The following OPTN variants were observed in gnomAD, a reference collection of about 807,000 sequenced individuals.
The protein encoded by OPTN is optineurin.
OPTN carries 54 observed loss-of-function variants against 70.4 expected under a neutral mutation model. That is an observed-to-expected ratio of 0.77 (90% CI 0.62 to 0.96). The LOEUF is 0.96. Among genes scored for constraint, OPTN ranks in the 40% least tolerant of loss-of-function variants. The pLI, the probability that OPTN is intolerant of heterozygous loss-of-function variation, is 0.00. For missense variants in OPTN, 624 were observed against 673.2 expected (o/e 0.93, Z 0.81); for synonymous variants, 256 against 248.5 (o/e 1.03, Z -0.28).
intron 13 of OPTN, 108 bp downstream of exon 13, chr10:13,132,305 G>A (rs575383046): frequency 1.5e-5 from 18 of 1,195,910 alleles, no homozygotes; most frequent in Non-Finnish European, 2.0e-5. Context: ...CTGTGTTCGC[G>A]CCACTGCACT....
rs79913169 is a variant in OPTN, at chr10:13,104,079, G to A, written c.-164+3777G>A. On this transcript the variant is annotated intron_variant, in intron 1 of 14. Transcript: ENST00000378747. ...TATCTCTGTCTTTCCTCAGTTGAAT[G>A]TAGCTCAAGGTGATGTTAAAAACAG... Among the ~76,000 whole-genome samples, 86 of 152,214 alleles carry A rather than the reference G, an allele frequency of 5.6e-4. 2 individuals carry two copies. In the South Asian group the frequency reaches 9.6e-3, roughly 17 times the overall value.
At chr10:13,115,494 A>ATATAATATAGAATATATATAATATATTC (rs1833175762) in intron 5 of OPTN, among the ~76,000 whole-genome samples, 2 of 98,804 alleles carry the variant, frequency 2.0e-5, no homozygotes, top group African/African-American at 1.1e-4. Flanking sequence ...ATTCTATATT[A>ATATAATATAGAATATATATAATATATTC]TATAATATAG....
chr10:13,127,460 A>G (rs1833491421), intron 11 of OPTN, among the ~76,000 whole-genome samples: 1 of 152,080 alleles, frequency 6.6e-6, no homozygotes, highest in Non-Finnish European at 1.5e-5. Context: ...TTAGGAATTC[A>G]TTATTTGCAA....
chr10:13,136,439 C>T (rs778185855), intron 14 of OPTN, among the ~76,000 whole-genome samples: 6 of 120,656 alleles, frequency 5.0e-5, no homozygotes, highest in African/African-American at 1.6e-4. Flanking sequence ...ACCTGGGAGG[C>T]GGAGGTTGCA....
intron 4 of OPTN, among the ~76,000 whole-genome samples, 176 bp from the exon 5 acceptor site, chr10:13,112,277 A>G (rs948006145): frequency 3.4e-5 from 5 of 148,514 alleles, no homozygotes; most frequent in African/African-American, 1.2e-4. Flanking sequence ...CTGGCTAATT[A>G]TTAAATTTTT....
At chr10:13,105,671 G>A (rs1473598441) in intron 1 of OPTN, among the ~76,000 whole-genome samples, 1 of 152,156 alleles carries the variant, frequency 6.6e-6, no homozygotes, top group African/African-American at 2.4e-5. Flanking sequence ...CACTTTGGGA[G>A]GCTGAGATGG....
intron 12 of OPTN, among the ~76,000 whole-genome samples, 197 bp from the exon 13 acceptor site, chr10:13,131,870 C>CA (rs1326194757): frequency 1.3e-5 from 2 of 152,172 alleles, no homozygotes; most frequent in African/African-American, 2.4e-5. Flanking sequence ...TTAAAGCACA[C>CA]ACACAAACAC....
intron 1 of OPTN, among the ~76,000 whole-genome samples, chr10:13,103,516 A>G (rs2131469733): frequency 6.6e-6 from 1 of 152,360 alleles, no homozygotes; most frequent in Non-Finnish European, 1.5e-5. Flanking sequence ...TGGAACAGAC[A>G]GTGCCTGCTA....
rs771767144 is a variant in OPTN, at chr10:13,126,283, C to CCTTTTT, written c.1242+244_1242+245insCTTTTT. On this transcript the variant is annotated intron_variant, in intron 11 of 14. Transcript: ENST00000378747. ...GTCAGGGATTAAGCACTTCGTATTT[C>CCTTTTT]TTTTTTTTTTTTTTTGAGACGGAGT... Among the ~76,000 whole-genome samples the CCTTTTT allele has an allele frequency of 1.4e-4, 20 of 139,062 alleles. 1 individual carries two copies. Among genetic ancestry groups the CCTTTTT allele is most frequent in the South Asian group, 4.5e-4 (2 of 4,410 alleles). The allele number at this position is 139,062 out of a possible 152,430, so 91.2% of individuals were successfully genotyped here.
chr10:13,112,931 G>A (rs948033361), intron 5 of OPTN, among the ~76,000 whole-genome samples: 2 of 151,522 alleles, frequency 1.3e-5, no homozygotes, highest in African/African-American at 2.4e-5. Flanking sequence ...AAACCCACAC[G>A]AACATGAACT....
intron 8 of OPTN, 49 bp downstream of exon 8, chr10:13,122,536 T>C: frequency 1.7e-6 from 2 of 1,206,202 alleles, no homozygotes; most frequent in Middle Eastern, 1.9e-4. Context: ...CACACGAGAG[T>C]AGTCCAGCCA....
intron 5 of OPTN, among the ~76,000 whole-genome samples, chr10:13,113,691 A>C (rs1833060369): frequency 2.0e-5 from 3 of 152,216 alleles, no homozygotes; most frequent in Admixed American, 2.0e-4. Context: ...GACAGGGAGA[A>C]AGATAGACAA....
Position 13,122,417 on chromosome 10 carries a change from G to T in OPTN, c.812G>T (p.Arg271Leu), listed in dbSNP as rs201896586. 6.2e-7 allele frequency: 1 copy of T among 1,613,670 alleles called. No homozygotes were observed. ...VSDFEKKTSN[R>L]SEIETQTEGS... ...GATTTTGAAAAGAAAACAAGTAATC[G>T]TTCTGAGATTGAAACCCAGACAGAG... The change falls in exon 8 of 15, where the codon CGT (arginine) becomes CTT (leucine). Residue 271 changes from arginine to leucine, a missense_variant. By Grantham distance (102) the Arg-to-Leu change is moderately radical. Coordinates refer to ENST00000378747, the MANE Select transcript of OPTN (RefSeq NM_001008212.2).
chr10:13,103,743 C>CACACACAG (rs1554767727), intron 1 of OPTN, among the ~76,000 whole-genome samples: 68 of 10,324 alleles, frequency 6.6e-3, no homozygotes, highest in South Asian at 0.019. Context: ...CACACACATG[C>CACACACAG]ACACACACAC....
chr10:13,110,540 T>G (rs1432768640), intron 4 of OPTN, 64 bp downstream of exon 4: 7 of 1,488,896 alleles, frequency 4.7e-6, no homozygotes, highest in Non-Finnish European at 6.5e-6. Flanking sequence ...CAGTGGAATC[T>G]TACGTGTCTA....
Position 13,114,787 on chromosome 10 carries a change from T to TATATATACGTAC in OPTN, c.553-1475_553-1474insTACGTACATATA, listed in dbSNP as rs1401482094. On this transcript the variant is annotated intron_variant, in intron 5 of 14. Transcript: ENST00000378747. ...ATATATAATTATATAATTATATAAT[T>TATATATACGTAC]ATATAATTATATATACATATATATA... Among the ~76,000 whole-genome samples the TATATATACGTAC allele has an allele frequency of 7.0e-4, 73 of 104,784 alleles. 7 individuals are homozygous for TATATATACGTAC. The highest frequency in any genetic ancestry group is 1.7e-3 in the Admixed American group (13 of 7,602). 68.7% of individuals were successfully genotyped at this position (104,784 alleles called of 152,430 possible).
rs962393583 is a variant in OPTN at position 13,100,272 on chromosome 10, T to A, written c.-194T>A. On this transcript the variant is annotated 5_prime_UTR_variant, in exon 1 of 15. The change abolishes the stop of an existing upstream ORF in the 5' untranslated region. Coordinates refer to ENST00000378747, the MANE Select transcript of OPTN (RefSeq NM_001008212.2). ...AGGCGGCACGATGCCGAGGAAACAG[T>A]GACCCTGAGCGAAGCCAAGCCGGGC... is the stretch of plus-strand genomic sequence containing the variant. 6.6e-6 allele frequency: 1 copy of A among 152,556 alleles called. No homozygotes were observed. Among genetic ancestry groups the A allele is most frequent in the African/African-American group, 2.4e-5 (1 of 41,446 alleles). 9.5% of individuals were successfully genotyped at this position (152,556 alleles called of 1,614,324 possible). A position where few individuals can be genotyped will look rare whatever the true frequency, so the allele number is the denominator to read the frequency against.
chr10:13,110,699 G>A (rs995983942), intron 4 of OPTN, among the ~76,000 whole-genome samples: 4 of 152,150 alleles, frequency 2.6e-5, no homozygotes, highest in Non-Finnish European at 4.4e-5. Context: ...AGCTTTGACC[G>A]TACTGATTGT....
intron 1 of OPTN, among the ~76,000 whole-genome samples, chr10:13,107,387 C>CTTTTT (rs869161209): frequency 8.5e-6 from 1 of 117,194 alleles, no homozygotes; most frequent in Non-Finnish European, 1.7e-5. Flanking sequence ...CCAAAACAGT[C>CTTTTT]TTTTTTTTTT....
Sources: allele counts gnomAD v4.1 joint callset (sites outside exome capture counted in the v4.1 genomes callset), GRCh38; gene constraint gnomAD v4.1.1; transcripts MANE v1.5; gene names NCBI Gene and HGNC (gene_info 2026-07-23, HGNC 2026-07-21).